Variants in ADGRB3 observed in about 807,000 individuals in gnomAD.
ADGRB3 encodes the protein adhesion G protein-coupled receptor B3.
In ADGRB3, 37 loss-of-function variants were observed where a neutral mutation model predicts 193.4. The observed-to-expected ratio is 0.19, with a 90% CI of 0.15 to 0.25. ADGRB3 has a LOEUF of 0.25. ADGRB3 is among the 10% of genes least tolerant of loss of function. The pLI, the probability that ADGRB3 is intolerant of heterozygous loss-of-function variation, is 1.00. For synonymous variants in ADGRB3, 690 were observed against 644.2 expected (o/e 1.07, Z -1.08); for missense variants, 1,637 against 1,852.9 (o/e 0.88, Z 2.14).
At chr6:68,658,347 A>G (rs1055167644) in intron 3 of ADGRB3, among the ~76,000 whole-genome samples, 3 of 151,350 alleles carry the variant, frequency 2.0e-5, no homozygotes, top group African/African-American at 4.8e-5. Flanking sequence ...TTTTGTAACT[A>G]TAGGACGTTT....
At chr6:68,809,720 A>G (rs373615845) in intron 3 of ADGRB3, among the ~76,000 whole-genome samples, 1 of 152,190 alleles carries the variant, frequency 6.6e-6, no homozygotes, top group East Asian at 1.9e-4. Flanking sequence ...TGAAAAAGTG[A>G]TTAATTATTA....
intron 8 of ADGRB3, among the ~76,000 whole-genome samples, chr6:68,967,188 G>A (rs780007968): frequency 1.3e-5 from 2 of 152,108 alleles, no homozygotes; most frequent in Admixed American, 6.6e-5. Flanking sequence ...TGAATCCAAG[G>A]CTTCATAAAT....
intron 30 of ADGRB3, among the ~76,000 whole-genome samples, chr6:69,378,516 T>G (rs1392207511): frequency 2.6e-5 from 4 of 152,042 alleles, no homozygotes; most frequent in Admixed American, 6.6e-5. Context: ...CTCCCAGGGT[T>G]ATTGTGAGGA....
intron 17 of ADGRB3, among the ~76,000 whole-genome samples, chr6:69,208,481 A>G (rs981351401): frequency 6.6e-6 from 1 of 152,178 alleles, no homozygotes; most frequent in African/African-American, 2.4e-5. Flanking sequence ...AAAGTATATA[A>G]CCAGGTGCAC....
chr6:69,232,890 T>G, intron 17 of ADGRB3: 1 of 513,134 alleles, frequency 1.9e-6, no homozygotes, highest in Non-Finnish European at 3.5e-6. Context: ...GAATCAGAGC[T>G]GGTAGAAAAA....
intron 3 of ADGRB3, among the ~76,000 whole-genome samples, chr6:68,774,331 T>C (rs1333341148): frequency 6.6e-6 from 1 of 151,486 alleles, no homozygotes; most frequent in African/African-American, 2.4e-5. Context: ...CAACCTAATG[T>C]CTTTTTAGGC....
chr6:69,378,460 T>C (rs982149445), intron 30 of ADGRB3, among the ~76,000 whole-genome samples: 1 of 152,084 alleles, frequency 6.6e-6, no homozygotes, highest in Non-Finnish European at 1.5e-5. Context: ...CTTAGCCTCC[T>C]TGAGCTTCAG....
intron 20 of ADGRB3, among the ~76,000 whole-genome samples, chr6:69,257,403 G>T (rs1285371161): frequency 6.6e-6 from 1 of 152,198 alleles, no homozygotes; most frequent in Non-Finnish European, 1.5e-5. Context: ...TCTATTCAGA[G>T]ATTCAACTTC....
rs116617688 is a variant in ADGRB3 at position 69,324,862 on chromosome 6, G to T, written c.2815-10G>T. On this transcript the variant is annotated splice_polypyrimidine_tract_variant and intron_variant, in intron 20 of 31. Transcript: ENST00000370598. ...TCAGTGTGAGTCTTTTTGTTTGTTT[G>T]TTTCCACAGAGTATCTGCACAACCA... 7.7e-4 allele frequency: 1,243 copies of T among 1,611,268 alleles called. 10 individuals are homozygous for T. The Middle Eastern group carries it at 0.014, about 18-fold the overall frequency.
At chr6:69,115,247 A>G (rs1773496715) in intron 17 of ADGRB3, among the ~76,000 whole-genome samples, 1 of 152,228 alleles carries the variant, frequency 6.6e-6, no homozygotes, top group South Asian at 2.1e-4. Context: ...CATATATACC[A>G]TGGAATACTA....
intron 3 of ADGRB3, among the ~76,000 whole-genome samples, chr6:68,820,105 AC>A (rs1767721497): frequency 6.6e-6 from 1 of 151,672 alleles, no homozygotes; most frequent in Admixed American, 6.6e-5. Context: ...CCACAGAAAC[AC>A]TCTGATCTAC....
intron 16 of ADGRB3, 148 bp downstream of exon 16, chr6:69,063,184 C>G: frequency 1.9e-6 from 1 of 531,464 alleles, no homozygotes; most frequent in Non-Finnish European, 3.3e-6. Context: ...TATAAAGAAA[C>G]AGAATGATTA....
intron 17 of ADGRB3, among the ~76,000 whole-genome samples, chr6:69,127,228 T>C (rs968670358): frequency 4.6e-5 from 7 of 152,178 alleles, no homozygotes; most frequent in African/African-American, 1.7e-4. Flanking sequence ...ATTCTAAAAA[T>C]TGTAGCCCTG....
intron 3 of ADGRB3, among the ~76,000 whole-genome samples, chr6:68,719,298 G>A (rs1438327252): frequency 6.6e-6 from 1 of 151,682 alleles, no homozygotes; most frequent in African/African-American, 2.4e-5. Context: ...TAGCCACTAG[G>A]CCTATATGGC....
chr6:69,165,045 A>G (rs1775096340), intron 17 of ADGRB3, among the ~76,000 whole-genome samples: 1 of 150,856 alleles, frequency 6.6e-6, no homozygotes. Flanking sequence ...CTTACTGCTC[A>G]CTCCAAATCT....
chr6:68,867,866 T>C (rs1164161152), intron 3 of ADGRB3, among the ~76,000 whole-genome samples: 1 of 152,224 alleles, frequency 6.6e-6, no homozygotes, highest in Non-Finnish European at 1.5e-5. Context: ...TTCTCCCTTT[T>C]GCAATGGCAG....
chr6:68,956,310 TGTG>T, intron 7 of ADGRB3, 122 bp downstream of exon 7: 1 of 977,262 alleles, frequency 1.0e-6, no homozygotes. Flanking sequence ...TATGTGTGTG[TGTG>T]TGTGTGTGTG....
At chr6:69,016,892 G>C (rs1312072087) in intron 12 of ADGRB3, among the ~76,000 whole-genome samples, 1 of 151,794 alleles carries the variant, frequency 6.6e-6, no homozygotes, top group South Asian at 2.1e-4. Context: ...ATTTTACTTT[G>C]TATTTATTAC....
intron 10 of ADGRB3, among the ~76,000 whole-genome samples, chr6:68,988,758 C>T (rs760243927): frequency 4.6e-5 from 7 of 152,092 alleles, no homozygotes; most frequent in Non-Finnish European, 1.0e-4. Flanking sequence ...ACACAAGCAG[C>T]GATGCCCTTC....
Sources: gnomAD v4.1 joint callset for allele counts (sites outside exome capture counted in the v4.1 genomes callset) on GRCh38, gnomAD v4.1.1 for gene constraint, MANE v1.5 for transcripts, NCBI Gene and HGNC (gene_info 2026-07-23, HGNC 2026-07-21) for gene names.